MEIS2: variants seen among roughly 807,000 people sequenced by gnomAD.
MEIS2 encodes homeobox protein Meis2.
A neutral mutation model predicts 58.6 loss-of-function variants in MEIS2; 9 were observed. That is an observed-to-expected ratio of 0.15 (90% CI 0.09 to 0.27). The LOEUF (loss-of-function observed/expected upper bound fraction) is 0.27, where lower values mean the gene tolerates loss of function less well. Among genes scored for constraint, MEIS2 ranks in the 10% least tolerant of loss-of-function variants. The pLI, the probability that MEIS2 is intolerant of heterozygous loss-of-function variation, is 1.00. For missense variants in MEIS2, 427 were observed against 635.0 expected, an observed-to-expected ratio of 0.67 and a Z score of 3.52; for synonymous variants, 221 against 228.4, an observed-to-expected ratio of 0.97 and a Z score of 0.29.
intron 8 of MEIS2, among the ~76,000 whole-genome samples, chr15:36,970,852 G>A (rs2059527883): frequency 6.6e-6 from 1 of 152,188 alleles, no homozygotes; most frequent in Non-Finnish European, 1.5e-5. Flanking sequence ...AGGTTAAGGT[G>A]GCTGCGGGAG....
chr15:37,010,523 C>T (rs1173815769), intron 8 of MEIS2, among the ~76,000 whole-genome samples: 1 of 152,154 alleles, frequency 6.6e-6, no homozygotes, highest in Non-Finnish European at 1.5e-5. Context: ...ACTGGGACTA[C>T]AGACGCATGC....
At chr15:37,015,115 C>T (rs999056091) in intron 8 of MEIS2, among the ~76,000 whole-genome samples, 4 of 152,200 alleles carry the variant, frequency 2.6e-5, no homozygotes, top group African/African-American at 4.8e-5. Context: ...TATGCCATGT[C>T]GGAGGCAGTA....
intron 7 of MEIS2, among the ~76,000 whole-genome samples, chr15:37,081,268 G>A (rs780858281): frequency 1.7e-4 from 26 of 152,114 alleles, no homozygotes; most frequent in South Asian, 4.2e-4. Context: ...AACTCTTTGC[G>A]AAACTACAAA....
chr15:36,978,221 T>C (rs2059820688), intron 8 of MEIS2, among the ~76,000 whole-genome samples: 1 of 152,214 alleles, frequency 6.6e-6, no homozygotes, highest in African/African-American at 2.4e-5. Context: ...ACAACAACAA[T>C]AACAATAAGG....
At chr15:37,098,965 C>A in intron 1 of MEIS2, 1 of 985,312 alleles carries the variant, frequency 1.0e-6, no homozygotes, top group South Asian at 4.5e-5. Context: ...AACAAGCAGC[C>A]CAGGCTAGTA....
At position 36,892,234 on chromosome 15, in the gene MEIS2, G is replaced by A. The variant is rs1457704441; in HGVS notation, c.1373C>T (p.Thr458Ile). 8.1e-6 allele frequency: 13 copies of A among 1,614,148 alleles called. No individual in the cohort carries two copies. Among genetic ancestry groups the A allele is most frequent in the Non-Finnish European group, 1.1e-5 (13 of 1,180,016 alleles). ...PGMTMSAQSP[T>I]MLNSVDPNVG... Reference sequence around the variant, plus strand: ...ATTGGGATCTACAGAATTTAACATTGTGGGGCTCTGTGCTGACATAGTCAT... The same window carrying A: ...ATTGGGATCTACAGAATTTAACATTATGGGGCTCTGTGCTGACATAGTCAT... The change falls in exon 12 of 12, where the codon ACA (threonine) becomes ATA (isoleucine). Residue 458 changes from threonine to isoleucine, a missense_variant. Physicochemically the swap from Thr to Ile is moderately conservative, Grantham distance 89. Transcript: ENST00000561208.
chr15:36,904,965 AT>A (rs1411880173), intron 9 of MEIS2, among the ~76,000 whole-genome samples: 1 of 152,218 alleles, frequency 6.6e-6, no homozygotes, highest in African/African-American at 2.4e-5. Flanking sequence ...CAAGTGGGAC[AT>A]GCAATAATGC....
At chr15:37,045,876 G>C (rs1413436639) in intron 7 of MEIS2, among the ~76,000 whole-genome samples, 1 of 152,112 alleles carries the variant, frequency 6.6e-6, no homozygotes, top group East Asian at 1.9e-4. Context: ...AGAGGACAGT[G>C]ACCCAGGCCA....
Position 36,893,458 on chromosome 15 carries a change from C to A in MEIS2, c.1148-999G>T, listed in dbSNP as rs575599362. ...TGGCAAAACCATCTAAAGACAATAACACAGCCTGCATAGTCCCAGCTCTCT... is the reference window on the plus strand; with the variant it reads ...TGGCAAAACCATCTAAAGACAATAAAACAGCCTGCATAGTCCCAGCTCTCT... On this transcript the variant is annotated intron_variant, in intron 11 of 11. Transcript: ENST00000561208. Among the ~76,000 whole-genome samples the A allele has an allele frequency of 2.0e-5, 3 of 152,302 alleles. No homozygotes were observed. The South Asian group carries it at 6.2e-4, about 32-fold the overall frequency.
intron 8 of MEIS2, among the ~76,000 whole-genome samples, chr15:36,996,056 T>C (rs71403539): frequency 4.8e-4 from 49 of 101,040 alleles, no homozygotes; most frequent in African/African-American, 1.4e-3. Context: ...CATATATATA[T>C]ACACACACAT....
At chr15:37,076,161 A>ATG (rs1458681619) in intron 7 of MEIS2, among the ~76,000 whole-genome samples, 1 of 152,028 alleles carries the variant, frequency 6.6e-6, no homozygotes, top group Non-Finnish European at 1.5e-5. Flanking sequence ...AAATTTCCAC[A>ATG]TGTGAAAATA....
intron 8 of MEIS2, among the ~76,000 whole-genome samples, chr15:37,012,004 C>G (rs1383812924): frequency 6.6e-6 from 1 of 152,052 alleles, no homozygotes; most frequent in Non-Finnish European, 1.5e-5. Flanking sequence ...CCAGGTTTTA[C>G]CTTAGGCTAT....
chr15:36,964,792 T>G (rs1187056924), intron 8 of MEIS2, among the ~76,000 whole-genome samples: 2 of 152,160 alleles, frequency 1.3e-5, no homozygotes, highest in Admixed American at 6.5e-5. Context: ...AGGAAACACA[T>G]GTGCTATGGT....
chr15:37,008,564 G>A (rs1595914475), intron 8 of MEIS2, among the ~76,000 whole-genome samples: 1 of 152,050 alleles, frequency 6.6e-6, no homozygotes, highest in East Asian at 1.9e-4. Context: ...TTAAGTACAC[G>A]AAAAGTTGAG....
intron 8 of MEIS2, among the ~76,000 whole-genome samples, chr15:37,022,422 AT>A (rs1405565257): frequency 1.3e-5 from 2 of 151,948 alleles, no homozygotes; most frequent in Non-Finnish European, 2.9e-5. Flanking sequence ...ACTTATTTTT[AT>A]TTTTTTGTAG....
At chr15:37,050,690 G>C (rs1177189507) in intron 7 of MEIS2, 1 of 152,080 alleles carries the variant, frequency 6.6e-6, no homozygotes, top group Non-Finnish European at 1.5e-5. Flanking sequence ...CCTCCACCCT[G>C]CCCCTCCACT....
intron 6 of MEIS2, among the ~76,000 whole-genome samples, chr15:37,088,841 T>C (rs1893193119): frequency 6.6e-6 from 1 of 152,152 alleles, no homozygotes; most frequent in Admixed American, 6.5e-5. Flanking sequence ...CTCTTAAAAC[T>C]TTGAATTGTG....
At chr15:36,904,362 C>T (rs1182576010) in intron 9 of MEIS2, among the ~76,000 whole-genome samples, 2 of 147,776 alleles carry the variant, frequency 1.4e-5, no homozygotes, top group Admixed American at 1.4e-4. Context: ...TTTAATTCAG[C>T]TTCTGTAAAT....
chr15:37,028,147 A>G (rs577684939), intron 8 of MEIS2, among the ~76,000 whole-genome samples: 1 of 152,346 alleles, frequency 6.6e-6, no homozygotes, highest in South Asian at 2.1e-4. Flanking sequence ...TCTGGGAGGT[A>G]AGTTTCTCAG....
Sources: allele counts gnomAD v4.1 joint callset (sites outside exome capture counted in the v4.1 genomes callset), GRCh38; gene constraint gnomAD v4.1.1; transcripts MANE v1.5; gene names NCBI Gene and HGNC (gene_info 2026-07-23, HGNC 2026-07-21).